ZSCAN1: variants seen among roughly 807,000 people sequenced by gnomAD.
The protein encoded by ZSCAN1 is zinc finger and SCAN domain-containing protein 1.
In ZSCAN1, 23 loss-of-function variants were observed where a neutral mutation model predicts 23.8. That is an observed-to-expected ratio of 0.97 (90% CI 0.70 to 1.37). The LOEUF is 1.37. ZSCAN1 is among the 40% of genes most tolerant of loss of function. The pLI, the probability that ZSCAN1 is intolerant of heterozygous loss-of-function variation, is 0.00. For missense variants in ZSCAN1, 575 were observed against 554.0 expected (o/e 1.04, Z -0.38); for synonymous variants, 236 against 232.3 (o/e 1.02, Z -0.15).
chr19:58,034,330 G>A (rs1444931250), intron 1 of ZSCAN1, among the ~76,000 whole-genome samples, 169 bp downstream of exon 1: 2 of 150,650 alleles, frequency 1.3e-5, no homozygotes, highest in Non-Finnish European at 3.0e-5. Flanking sequence ...GCCGGGCCGG[G>A]GTTCCAGAGC....
Position 58,045,537 on chromosome 19 carries a change from G to C in ZSCAN1, c.465+4993G>C. ...ATTATTTGAGGATGAGCTGACCCTT[G>C]ACAACCTGACACGGCCGCAGCTGGT... is the stretch of plus-strand genomic sequence containing the variant. On this transcript the variant is annotated intron_variant, in intron 4 of 5. Transcript: ENST00000282326. This position sits in a 1 kb window ranked among gnomAD's most constrained non-coding sequence, Gnocchi z 4.3. 1.4e-6 allele frequency: 2 copies of C among 1,382,384 alleles called. No homozygotes were observed. Among genetic ancestry groups the C allele is most frequent in the South Asian group, 1.2e-5 (1 of 86,494 alleles). 85.6% of individuals were successfully genotyped at this position (1,382,384 alleles called of 1,614,324 possible). A position where few individuals can be genotyped will look rare whatever the true frequency, so the allele number is the denominator to read the frequency against.
intron 4 of ZSCAN1, among the ~76,000 whole-genome samples, chr19:58,048,458 C>T (rs948690811): frequency 3.9e-5 from 6 of 152,320 alleles, no homozygotes; most frequent in Admixed American, 2.0e-4. Flanking sequence ...CCAGGCTGGA[C>T]GATGGAGCGA....
chr19:58,047,555 C>T lies in ZSCAN1; in HGVS notation c.466-4935C>T, dbSNP rs1347651971. On this transcript the variant is annotated intron_variant, in intron 4 of 5. Coordinates refer to ENST00000282326, the MANE Select transcript of ZSCAN1 (RefSeq NM_182572.4). The surrounding 1 kb of genome is among the most constrained non-coding windows in gnomAD (Gnocchi z 4.9). ...ACTCCCTTGGGTGGTGCTTGGGCTG[C>T]GCGCCACGGGGGCTGCAGTGGATTT... Among the ~76,000 whole-genome samples the T allele has an allele frequency of 5.3e-5, 8 of 152,218 alleles. No individual in the cohort carries two copies. Among genetic ancestry groups the T allele is most frequent in the Non-Finnish European group, 8.8e-5 (6 of 68,042 alleles).
At position 58,045,133 on chromosome 19, in the gene ZSCAN1, G is replaced by A; in HGVS notation, c.465+4589G>A. On this transcript the variant is annotated intron_variant, in intron 4 of 5. Transcript: ENST00000282326. The surrounding 1 kb of genome is among the most constrained non-coding windows in gnomAD (Gnocchi z 4.3). ...ACCAAGATCGCAGCACGCATGCTCT[G>A]GCGCATCCTCAACTGCCACACCCTG... The A allele has an allele frequency of 8.0e-7, 1 of 1,247,816 alleles. No individual in the cohort carries two copies. The highest frequency in any genetic ancestry group is 1.2e-6 in the Non-Finnish European group (1 of 850,246). 77.3% of individuals were successfully genotyped at this position (1,247,816 alleles called of 1,614,324 possible).
At chr19:58,041,608 C>T (rs1281573801) in intron 4 of ZSCAN1, among the ~76,000 whole-genome samples, 2 of 152,182 alleles carry the variant, frequency 1.3e-5, no homozygotes, top group South Asian at 2.1e-4. Flanking sequence ...TGGCTCATCC[C>T]GGTAATCCCA....
At chr19:58,051,220 GC>G (rs2073856854) in intron 4 of ZSCAN1, among the ~76,000 whole-genome samples, 1 of 152,150 alleles carries the variant, frequency 6.6e-6, no homozygotes, top group African/African-American at 2.4e-5. Flanking sequence ...GTAGGGAAGA[GC>G]CTGACTGTCC....
intron 1 of ZSCAN1, among the ~76,000 whole-genome samples, chr19:58,035,226 A>G (rs1210890418): frequency 6.6e-6 from 1 of 152,128 alleles, no homozygotes; most frequent in Non-Finnish European, 1.5e-5. Flanking sequence ...TGTAGACCTC[A>G]GTCCCCTTCA....
At position 58,045,455 on chromosome 19, in the gene ZSCAN1, G is replaced by T. The variant is rs2073818875; in HGVS notation, c.465+4911G>T. 8.3e-7 allele frequency: 1 copy of T among 1,200,506 alleles called. No homozygotes were observed. Among genetic ancestry groups the T allele is most frequent in the Non-Finnish European group, 1.2e-6 (1 of 802,104 alleles). The allele number at this position is 1,200,506 out of a possible 1,614,324, so 74.4% of individuals were successfully genotyped here. On this transcript the variant is annotated intron_variant, in intron 4 of 5. Coordinates refer to ENST00000282326, the MANE Select transcript of ZSCAN1 (RefSeq NM_182572.4). This position sits in a 1 kb window ranked among gnomAD's most constrained non-coding sequence, Gnocchi z 4.3. The stretch of plus-strand genomic sequence containing the variant: ...CCAAAGACTTCTCTGTGTTTTTCCA[G>T]AAGATCCGGGAGACGGGGGAGAGGC...
At position 58,053,877 on chromosome 19, in the gene ZSCAN1, C is replaced by A; in HGVS notation, c.1053C>A (p.Ala351=). ...TGCTGGAGCCACCGAGGAAGAAAGC[C>A]CCCCGGAGCAAGGGCCCCCGGGAGT... ...IHLLEPPRKK[A]PRSKGPRESV... Residue 351 remains alanine (A), a synonymous_variant, in exon 6 of 6, where the codon GCC becomes GCA. Transcript: ENST00000282326. The surrounding 1 kb of genome is among the most constrained non-coding windows in gnomAD (Gnocchi z 5.8). 6.2e-7 allele frequency: 1 copy of A among 1,613,744 alleles called. No individual in the cohort carries two copies. The highest frequency in any genetic ancestry group is 8.5e-7 in the Non-Finnish European group (1 of 1,179,706).
Position 58,047,745 on chromosome 19 carries a change from C to G in ZSCAN1, c.466-4745C>G, listed in dbSNP as rs969845392. 6.6e-6 allele frequency among the ~76,000 whole-genome samples: 1 copy of G among 152,226 alleles called. No individual in the cohort carries two copies. Among genetic ancestry groups the G allele is most frequent in the Non-Finnish European group, 1.5e-5 (1 of 68,038 alleles). The stretch of plus-strand genomic sequence containing the variant: ...CAGGCCCCTGGGGTCCTTTAACAAG[C>G]AGGCTGGTCACCGAGGCACGAAGAC... On this transcript the variant is annotated intron_variant, in intron 4 of 5. Coordinates refer to ENST00000282326, the MANE Select transcript of ZSCAN1 (RefSeq NM_182572.4). This position sits in a 1 kb window ranked among gnomAD's most constrained non-coding sequence, Gnocchi z 4.9.
In ZSCAN1 at chr19:58,045,148, G is replaced by C. The variant is rs1381704490; in HGVS notation, c.465+4604G>C. On this transcript the variant is annotated intron_variant, in intron 4 of 5. Coordinates refer to ENST00000282326, the MANE Select transcript of ZSCAN1 (RefSeq NM_182572.4). The surrounding 1 kb of genome is among the most constrained non-coding windows in gnomAD (Gnocchi z 4.3). ...CGCATGCTCTGGCGCATCCTCAACT[G>C]CCACACCCTGACCCGCCAGGCGCGC... The C allele has an allele frequency of 2.5e-6, 3 of 1,183,418 alleles. No homozygotes were observed. The highest frequency in any genetic ancestry group is 3.0e-5 in the African/African-American group (2 of 66,536). 73.3% of individuals were successfully genotyped at this position (1,183,418 alleles called of 1,614,324 possible).
intron 4 of ZSCAN1, among the ~76,000 whole-genome samples, chr19:58,048,288 C>T (rs2073838470): frequency 6.6e-6 from 1 of 152,212 alleles, no homozygotes; most frequent in African/African-American, 2.4e-5. Flanking sequence ...ATAGCTTTAA[C>T]CCTGCAAGTG....
intron 4 of ZSCAN1, chr19:58,044,824 C>A: frequency 1.3e-6 from 1 of 746,290 alleles, no homozygotes; most frequent in South Asian, 1.5e-5. Flanking sequence ...GCCCGAGTGC[C>A]TTCGCACCGT....
chr19:58,037,416 G>T (rs1030290719), intron 2 of ZSCAN1, among the ~76,000 whole-genome samples: 1 of 147,484 alleles, frequency 6.8e-6, no homozygotes, highest in Non-Finnish European at 1.5e-5. Flanking sequence ...TGTTCAGAAA[G>T]TCATGGAGGT....
chr19:58,046,542 C>G lies in ZSCAN1; in HGVS notation c.466-5948C>G, dbSNP rs981388704. On this transcript the variant is annotated intron_variant, in intron 4 of 5. Transcript: ENST00000282326. ...AGCTCATCAACGCCATGAAGCAAGT[C>G]AAGCACATTCCCAAAAGCAAGCTCA... 2.5e-5 allele frequency: 23 copies of G among 912,578 alleles called. No homozygotes were observed. The African/African-American group carries it at 3.2e-4, about 13-fold the overall frequency. 56.5% of individuals were successfully genotyped at this position (912,578 alleles called of 1,614,324 possible).
intron 4 of ZSCAN1, among the ~76,000 whole-genome samples, chr19:58,043,651 ATTT>A (rs67841377): frequency 2.7e-5 from 4 of 149,038 alleles, no homozygotes; most frequent in African/African-American, 9.9e-5. Flanking sequence ...TTTGCTTTAC[ATTT>A]TTTTTTTCTT....
rs1210997535 is a variant in ZSCAN1 at position 58,052,592 on chromosome 19, G to A, written c.568G>A (p.Ala190Thr). 1 of 1,612,876 alleles carries A rather than the reference G, an allele frequency of 6.2e-7. No homozygotes were observed. Among genetic ancestry groups the A allele is most frequent in the South Asian group, 1.1e-5 (1 of 91,024 alleles). ...GCTCCAGCAGAGTCTGCACACCAGG[G>A]CGGAGGCCGAAGCGCCCCGCGCCCC... ...TQLQQSLHTR[A>T]EAEAPRAPGL... Residue 190 changes from alanine (A) to threonine (T), a missense_variant, in exon 5 of 6, where the codon GCG becomes ACG. Coordinates refer to ENST00000282326, the MANE Select transcript of ZSCAN1 (RefSeq NM_182572.4).
downstream of ZSCAN1, among the ~76,000 whole-genome samples, chr19:58,055,352 CT>C (rs1224493284): frequency 6.6e-6 from 1 of 152,182 alleles, no homozygotes; most frequent in Admixed American, 6.5e-5. Context: ...CGCTTGCCTT[CT>C]CACGCTTGCC....
chr19:58,050,794 C>T (rs929817969), intron 4 of ZSCAN1, among the ~76,000 whole-genome samples: 1 of 152,182 alleles, frequency 6.6e-6, no homozygotes, highest in Non-Finnish European at 1.5e-5. Context: ...GCTGGGATTA[C>T]AGGCGTGAGC....
Sources: gnomAD v4.1 joint callset for allele counts (sites outside exome capture counted in the v4.1 genomes callset) on GRCh38, gnomAD v4.1.1 for gene constraint, Gnocchi (gnomAD v3.1) non-coding constraint, MANE v1.5 for transcripts, NCBI Gene and HGNC (gene_info 2026-07-23, HGNC 2026-07-21) for gene names.